RBFOX1: variants seen among roughly 807,000 people sequenced by gnomAD.
RBFOX1 encodes the protein RNA binding fox-1 homolog 1, also known as RNA binding protein fox-1 homolog 1.
Under a neutral mutation model 57.7 loss-of-function variants are expected in RBFOX1, and 8 were observed. That is an observed-to-expected ratio of 0.14 (90% CI 0.08 to 0.25). The LOEUF (loss-of-function observed/expected upper bound fraction) is 0.25. RBFOX1 is among the 10% of genes least tolerant of loss of function. The probability of loss-of-function intolerance (pLI) is 1.00; values close to 1 mark genes in which losing one functional copy is unlikely to be tolerated. For missense variants in RBFOX1, 611 were observed against 548.5 expected (o/e 1.11, Z -1.14); for synonymous variants, 326 against 222.4 (o/e 1.47, Z -4.15).
At chr16:5,856,179 C>CTATATATA (rs1404470500) in intron 3 of RBFOX1, among the ~76,000 whole-genome samples, 6 of 54,402 alleles carry the variant, frequency 1.1e-4, no homozygotes, top group Non-Finnish European at 1.7e-4. Flanking sequence ...CTCTCTCTCT[C>CTATATATA]TCTCTCTCTA....
chr16:6,393,157 A>G (rs1248152545), intron 2 of RBFOX1, among the ~76,000 whole-genome samples: 1 of 152,236 alleles, frequency 6.6e-6, no homozygotes, highest in Non-Finnish European at 1.5e-5. Flanking sequence ...CTTTTTGACT[A>G]ATGGAGCTGG....
chr16:6,552,210 A>G (rs912473409), intron 2 of RBFOX1, among the ~76,000 whole-genome samples: 6 of 152,204 alleles, frequency 3.9e-5, no homozygotes, highest in African/African-American at 1.4e-4. Context: ...GTCCTCATTT[A>G]AGCTGAATTA....
intron 1 of RBFOX1, 62 bp from the exon 2 acceptor site, chr16:6,316,933 T>C: frequency 7.0e-7 from 1 of 1,433,598 alleles, no homozygotes; most frequent in Non-Finnish European, 9.5e-7. Context: ...ACAAAAAAAG[T>C]GCGGACAAAA....
chr16:5,428,083 C>A (rs1322784153), intron 1 of RBFOX1, among the ~76,000 whole-genome samples: 1 of 151,982 alleles, frequency 6.6e-6, no homozygotes, highest in East Asian at 1.9e-4. Flanking sequence ...ATAGAAAGCA[C>A]CCCTGGGGGT....
chr16:5,581,285 A>G (rs1391114199), intron 2 of RBFOX1, among the ~76,000 whole-genome samples: 1 of 152,202 alleles, frequency 6.6e-6, no homozygotes, highest in Non-Finnish European at 1.5e-5. Context: ...TACAAGGAAT[A>G]GACTTTGGGC....
At chr16:6,101,150 G>C (rs1237928892) in intron 1 of RBFOX1, among the ~76,000 whole-genome samples, 1 of 152,170 alleles carries the variant, frequency 6.6e-6, no homozygotes, top group Non-Finnish European at 1.5e-5. Flanking sequence ...GAGAAAGGCT[G>C]TTACAAGCTT....
At chr16:5,465,025 C>T (rs1239423043) in intron 1 of RBFOX1, among the ~76,000 whole-genome samples, 2 of 152,146 alleles carry the variant, frequency 1.3e-5, no homozygotes, top group African/African-American at 4.8e-5. Context: ...CAGACCATCT[C>T]CTTTGCACCT....
chr16:7,210,026 A>T (rs1267275028), intron 4 of RBFOX1, among the ~76,000 whole-genome samples: 1 of 152,176 alleles, frequency 6.6e-6, no homozygotes, highest in East Asian at 1.9e-4. Context: ...TCCAGTGAAA[A>T]CCAGGGATAG....
intron 4 of RBFOX1, among the ~76,000 whole-genome samples, chr16:7,125,585 G>A (rs549552188): frequency 3.3e-5 from 5 of 152,108 alleles, no homozygotes; most frequent in Admixed American, 6.5e-5. Context: ...AGCATTTTAC[G>A]GTCAACATCT....
chr16:6,736,674 C>T (rs541502984), intron 3 of RBFOX1, among the ~76,000 whole-genome samples: 3 of 152,274 alleles, frequency 2.0e-5, no homozygotes, highest in African/African-American at 7.2e-5. Context: ...GGTAGATACC[C>T]AGTAGTGGGA....
chr16:6,184,652 C>T (rs988769131), intron 1 of RBFOX1, among the ~76,000 whole-genome samples: 7 of 152,128 alleles, frequency 4.6e-5, no homozygotes, highest in East Asian at 1.9e-4. Flanking sequence ...CTCCGCCTCC[C>T]GGGTTCAAGC....
chr16:6,543,846 C>T (rs2096857789), intron 2 of RBFOX1, among the ~76,000 whole-genome samples: 1 of 151,938 alleles, frequency 6.6e-6, no homozygotes. Flanking sequence ...GATACACCTG[C>T]ATGAAAAAAA....
intron 1 of RBFOX1, among the ~76,000 whole-genome samples, chr16:5,346,195 A>C (rs1229043110): frequency 6.6e-6 from 1 of 151,998 alleles, no homozygotes; most frequent in Non-Finnish European, 1.5e-5. Context: ...GCGGACCCTT[A>C]CTATGTGTGT....
chr16:6,742,011 A>C (rs2072315570), intron 3 of RBFOX1, among the ~76,000 whole-genome samples: 1 of 152,196 alleles, frequency 6.6e-6, no homozygotes, highest in South Asian at 2.1e-4. Context: ...AAAAATTATA[A>C]GTGTGTGTGG....
At position 7,343,854 on chromosome 16, in the gene RBFOX1, T is replaced by C. The variant is rs1014246689; in HGVS notation, c.28-174293T>C. Among the ~76,000 whole-genome samples the C allele has an allele frequency of 2.0e-5, 3 of 152,152 alleles. No individual in the cohort carries two copies. In the South Asian group the frequency reaches 6.2e-4, roughly 32 times the overall value. On this transcript the variant is annotated intron_variant, in intron 4 of 15. Transcript: ENST00000550418. ...CCTTCTGGGCAGTAGTCACCCTCTT[T>C]GAGTGGTTGTTAAAGGAACCAAATC... is the stretch of plus-strand genomic sequence containing the variant.
chr16:6,767,453 G>C (rs1334272120), intron 3 of RBFOX1, among the ~76,000 whole-genome samples: 1 of 152,068 alleles, frequency 6.6e-6, no homozygotes, highest in Non-Finnish European at 1.5e-5. Context: ...TTATCCTGAG[G>C]TTTTTCACTT....
rs139784550 is a variant in RBFOX1 at position 6,328,118 on chromosome 16, G to T, written c.-64+11061G>T. Among the ~76,000 whole-genome samples the T allele has an allele frequency of 1.4e-4, 21 of 152,278 alleles. No homozygotes were observed. In the East Asian group the frequency reaches 2.7e-3, roughly 20 times the overall value. On this transcript the variant is annotated intron_variant, in intron 2 of 15. Coordinates refer to ENST00000550418, the MANE Select transcript of RBFOX1 (RefSeq NM_018723.4). The stretch of plus-strand genomic sequence containing the variant: ...ATGGAATACTACTCAGCCATAAAAA[G>T]AAATGAATTAGTGGCTTTTTCAGCA...
In RBFOX1 at chr16:6,808,374, A is replaced by G. The variant is rs372303444; in HGVS notation, c.-16+153724A>G. On this transcript the variant is annotated intron_variant, in intron 3 of 15. Transcript: ENST00000550418. ...TGAAGCACCCTTGTCACTCCCTTCA[A>G]TGCCTAAAGTATTGCTTTCTTAAGT... is the stretch of plus-strand genomic sequence containing the variant. Among the ~76,000 whole-genome samples, 200 of 152,094 alleles carry G rather than the reference A, an allele frequency of 1.3e-3. 3 individuals are homozygous for G. The highest frequency in any genetic ancestry group is 2.1e-3 in the Non-Finnish European group (146 of 68,000).
chr16:7,006,737 C>T (rs1377059272), intron 3 of RBFOX1, among the ~76,000 whole-genome samples: 4 of 152,268 alleles, frequency 2.6e-5, no homozygotes, highest in Middle Eastern at 6.8e-3. Context: ...CATGAGCCAC[C>T]ATGCCTGGCA....
Sources: allele counts gnomAD v4.1 joint callset (sites outside exome capture counted in the v4.1 genomes callset), GRCh38; gene constraint gnomAD v4.1.1; transcripts MANE v1.5; gene names NCBI Gene and HGNC (gene_info 2026-07-23, HGNC 2026-07-21).